The following NRP2 variants were observed in gnomAD, a reference collection of about 807,000 sequenced individuals.
NRP2 encodes the protein neuropilin 2.
NRP2 carries 52 observed loss-of-function variants against 110.4 expected under a neutral mutation model. That is an observed-to-expected ratio of 0.47 (90% CI 0.38 to 0.59). The LOEUF (loss-of-function observed/expected upper bound fraction) is 0.59, where lower values mean the gene tolerates loss of function less well. NRP2 is among the 20% of genes least tolerant of loss of function. NRP2 has a pLI of 0.00. For missense variants in NRP2, 1,049 were observed against 1,203.0 expected (o/e 0.87, Z 1.89); for synonymous variants, 508 against 468.9 (o/e 1.08, Z -1.08).
chr2:205,767,151 A>AC (rs2057937507), intron 15 of NRP2: 2 of 370,180 alleles, frequency 5.4e-6, no homozygotes, highest in Non-Finnish European at 1.0e-5. Flanking sequence ...GAACCAAAAA[A>AC]AAAAAAAAAT....
In NRP2 at chr2:205,749,808, A is replaced by G; in HGVS notation, c.1870A>G (p.Thr624Ala). Residue 624 changes from threonine to alanine, a missense_variant, in exon 11 of 17, where the codon ACA (threonine) becomes GCA (alanine). Coordinates refer to ENST00000357785, the MANE Select transcript of NRP2 (RefSeq NM_003872.3). ...TTPYPTEEEA[T>A]ECGENCSFED... ...CCCCTACCCCACCGAAGAGGAGGCC[A>G]CAGAGTGTGGGGAGAACTGCAGCTT... The G allele has an allele frequency of 6.2e-7, 1 of 1,614,120 alleles. No homozygotes were observed. The highest frequency in any genetic ancestry group is 8.5e-7 in the Non-Finnish European group (1 of 1,179,966).
chr2:205,780,443 A>T (rs2105956400), intron 15 of NRP2, among the ~76,000 whole-genome samples: 1 of 152,262 alleles, frequency 6.6e-6, no homozygotes, highest in Non-Finnish European at 1.5e-5. Context: ...ATGGTGACCC[A>T]GTTATATAAA....
At chr2:205,702,436 G>A (rs1269237926) in intron 2 of NRP2, among the ~76,000 whole-genome samples, 3 of 152,246 alleles carry the variant, frequency 2.0e-5, no homozygotes, top group Non-Finnish European at 4.4e-5. Context: ...AAGAGCAACA[G>A]AGGATGGAGT....
At chr2:205,717,911 T>C (rs1236217677) in intron 3 of NRP2, among the ~76,000 whole-genome samples, 2 of 152,020 alleles carry the variant, frequency 1.3e-5, no homozygotes, top group Non-Finnish European at 2.9e-5. Flanking sequence ...ATTGGATGAG[T>C]ATGTATGTAA....
Position 205,765,467 on chromosome 2 carries a change from CT to C in NRP2, c.2308-5del. 1 of 1,613,260 alleles carries C rather than the reference CT, an allele frequency of 6.2e-7. No homozygotes were observed. The highest frequency in any genetic ancestry group is 8.5e-7 in the Non-Finnish European group (1 of 1,179,264). ...TTAACCATGGCTCTTATTCTTCCGG[CT>C]TCTAGATTGTGTTCGAGGGAGTGAT... On this transcript the variant is annotated splice_region_variant and splice_polypyrimidine_tract_variant and intron_variant, in intron 13 of 16. Transcript: ENST00000357785.
rs147936433 is a variant in NRP2 at position 205,721,116 on chromosome 2, T to C, written c.434-1362T>C. On this transcript the variant is annotated intron_variant, in intron 3 of 16. Transcript: ENST00000357785. ...TTCTTCCAAATCAGACATTTGCCTC[T>C]TTCCAGAATGCTGTCATCAATAAAG... is the stretch of plus-strand genomic sequence containing the variant. 3.0e-3 allele frequency among the ~76,000 whole-genome samples: 464 copies of C among 152,338 alleles called. 3 individuals carry two copies. The highest frequency in any genetic ancestry group is 0.01 in the African/African-American group (422 of 41,572).
intron 7 of NRP2, among the ~76,000 whole-genome samples, chr2:205,728,677 T>C (rs2057177605): frequency 6.6e-6 from 1 of 152,180 alleles, no homozygotes; most frequent in Non-Finnish European, 1.5e-5. Flanking sequence ...TATGGATGAA[T>C]GTCTGGCACT....
At chr2:205,716,110 A>G in intron 2 of NRP2, 83 bp from the exon 3 acceptor site, 1 of 1,407,956 alleles carries the variant, frequency 7.1e-7, no homozygotes, top group Non-Finnish European at 1.0e-6. Flanking sequence ...GCAAATGAAT[A>G]GAGAGACATA....
rs962940097 is a variant in NRP2 at position 205,725,585 on chromosome 2, G to A, written c.821-328G>A. Among the ~76,000 whole-genome samples the A allele has an allele frequency of 5.3e-5, 8 of 152,184 alleles. No individual in the cohort carries two copies. The highest frequency in any genetic ancestry group is 1.9e-4 in the African/African-American group (8 of 41,444). ...CCACGAGTCTATCTCACATTTACCT[G>A]TATTGCAGTAATGGTGCATCTGGCA... On this transcript the variant is annotated intron_variant, in intron 5 of 16. Coordinates refer to ENST00000357785, the MANE Select transcript of NRP2 (RefSeq NM_003872.3). The surrounding 1 kb of genome is among the most constrained non-coding windows in gnomAD (Gnocchi z 4.1).
Position 205,687,052 on chromosome 2 carries a change from C to A in NRP2, c.73+3689C>A, listed in dbSNP as rs561177149. Among the ~76,000 whole-genome samples the A allele has an allele frequency of 5.9e-5, 9 of 152,298 alleles. No individual in the cohort carries two copies. The South Asian group carries it at 1.9e-3, about 32-fold the overall frequency. The stretch of plus-strand genomic sequence containing the variant: ...ACACATCGCTTGGGGCCAAAAGAAC[C>A]CAGACCCCATAACCATCTACCCCTC... On this transcript the variant is annotated intron_variant, in intron 1 of 16. Coordinates refer to ENST00000357785, the MANE Select transcript of NRP2 (RefSeq NM_003872.3).
chr2:205,697,312 CTGTGTGTGTGTGTG>C (rs3072627), intron 1 of NRP2, among the ~76,000 whole-genome samples: 14 of 137,952 alleles, frequency 1.0e-4, no homozygotes, highest in Non-Finnish European at 1.8e-4. Context: ...ATACTTTCAT[CTGTGTGTGTGTGTG>C]TGTGTGTGTG....
rs2058346439 is a variant in NRP2, at chr2:205,795,710, A to G, written c.*652A>G. The G allele has an allele frequency of 2.0e-5, 3 of 152,574 alleles. No individual in the cohort carries two copies. Among genetic ancestry groups the G allele is most frequent in the South Asian group, 4.1e-4 (2 of 4,824 alleles). 9.5% of individuals were successfully genotyped at this position (152,574 alleles called of 1,614,324 possible). ...GCCTTTAACTTTTCTTATCCAGGGGAAAATTGCCATTTTAGGGTCAGCATG... is the reference window on the plus strand; with the variant it reads ...GCCTTTAACTTTTCTTATCCAGGGGGAAATTGCCATTTTAGGGTCAGCATG... On this transcript the variant is annotated 3_prime_UTR_variant, in exon 17 of 17. Transcript: ENST00000357785.
chr2:205,731,421 T>G (rs1289097821), intron 7 of NRP2, among the ~76,000 whole-genome samples: 2 of 152,074 alleles, frequency 1.3e-5, no homozygotes, highest in African/African-American at 2.4e-5. Context: ...TGGAGAGCAA[T>G]GGGAAGAGCT....
At chr2:205,793,717 T>A (rs2058325699) in intron 16 of NRP2, among the ~76,000 whole-genome samples, 1 of 152,164 alleles carries the variant, frequency 6.6e-6, no homozygotes, top group African/African-American at 2.4e-5. Context: ...ACCACTTTTA[T>A]CGGATAAAGG....
intron 15 of NRP2, chr2:205,776,560 A>C: frequency 6.2e-7 from 1 of 1,600,490 alleles, no homozygotes; most frequent in Non-Finnish European, 8.5e-7. Flanking sequence ...AAAACAAACG[A>C]GAAAGACTGC....
chr2:205,728,265 T>C (rs1301548243), intron 7 of NRP2, among the ~76,000 whole-genome samples: 1 of 152,244 alleles, frequency 6.6e-6, no homozygotes, highest in African/African-American at 2.4e-5. Context: ...TGTTGCATCT[T>C]GCGCAGCAGA....
At chr2:205,712,390 G>A (rs3771045) in intron 2 of NRP2, among the ~76,000 whole-genome samples, 61,582 of 152,006 alleles carry the variant, frequency 0.41, 13,321 homozygotes, top group African/African-American at 0.55. Flanking sequence ...CGAGTGATAC[G>A]TTCTAAGAGG....
intron 15 of NRP2, among the ~76,000 whole-genome samples, chr2:205,784,374 C>G (rs183443498): frequency 1.3e-5 from 2 of 152,322 alleles, no homozygotes; most frequent in South Asian, 2.1e-4. Context: ...CTTGCTGCCA[C>G]CCAGGGCCTG....
chr2:205,776,457 C>CGGG, intron 15 of NRP2: 1 of 1,612,802 alleles, frequency 6.2e-7, no homozygotes, highest in Non-Finnish European at 8.5e-7. Context: ...ACTACACCAA[C>CGGG]GGGGCCCCTC....
Sources: gnomAD v4.1 joint callset for allele counts (sites outside exome capture counted in the v4.1 genomes callset) on GRCh38, gnomAD v4.1.1 for gene constraint, Gnocchi (gnomAD v3.1) non-coding constraint, MANE v1.5 for transcripts, NCBI Gene and HGNC (gene_info 2026-07-23, HGNC 2026-07-21) for gene names.